Variants in LYPD6B observed in about 807,000 individuals in gnomAD.
LYPD6B encodes the protein ly6/PLAUR domain-containing protein 6B.
In LYPD6B, 17 loss-of-function variants were observed where a neutral mutation model predicts 22.8. That is an observed-to-expected ratio of 0.75 (90% CI 0.51 to 1.12). The LOEUF is 1.12. Among genes scored for constraint, LYPD6B ranks in the 50% most tolerant of loss-of-function variants. The pLI, the probability that LYPD6B is intolerant of heterozygous loss-of-function variation, is 0.00. For missense variants in LYPD6B, 221 were observed against 258.3 expected (o/e 0.86, Z 0.99); for synonymous variants, 106 against 91.6 (o/e 1.16, Z -0.90).
intron 1 of LYPD6B, among the ~76,000 whole-genome samples, chr2:149,052,740 G>A (rs1343022542): frequency 6.6e-6 from 1 of 152,172 alleles, no homozygotes; most frequent in African/African-American, 2.4e-5. Context: ...ATGCCTGTGA[G>A]TGCTTTTTGA....
intron 1 of LYPD6B, among the ~76,000 whole-genome samples, chr2:149,089,187 C>T (rs1482776): frequency 0.22 from 33,002 of 152,124 alleles, 4,474 homozygotes; most frequent in East Asian, 0.51. Flanking sequence ...TGTGGTGGAA[C>T]ATGAAAGAGT....
chr2:149,124,388 A>G (rs1197273625), intron 1 of LYPD6B, among the ~76,000 whole-genome samples: 1 of 152,226 alleles, frequency 6.6e-6, no homozygotes, highest in African/African-American at 2.4e-5. Flanking sequence ...GTGCATGTGG[A>G]AAACCCACGT....
intron 3 of LYPD6B, among the ~76,000 whole-genome samples, chr2:149,195,874 T>C (rs1361669933): frequency 6.6e-6 from 1 of 152,140 alleles, no homozygotes; most frequent in African/African-American, 2.4e-5. Context: ...ATTTTACTGA[T>C]AGGGAAACAG....
At chr2:149,141,257 A>C (rs1688675690) in intron 2 of LYPD6B, among the ~76,000 whole-genome samples, 1 of 152,198 alleles carries the variant, frequency 6.6e-6, no homozygotes, top group Non-Finnish European at 1.5e-5. Context: ...AGAGCATTCC[A>C]GGAAATGGGA....
intron 1 of LYPD6B, among the ~76,000 whole-genome samples, chr2:149,100,292 G>A (rs1262594000): frequency 6.6e-6 from 1 of 151,822 alleles, no homozygotes; most frequent in Non-Finnish European, 1.5e-5. Context: ...AACTGATGCC[G>A]GTTTGACACT....
intron 2 of LYPD6B, among the ~76,000 whole-genome samples, chr2:149,158,392 T>C (rs1286760839): frequency 6.6e-6 from 1 of 152,192 alleles, no homozygotes; most frequent in Non-Finnish European, 1.5e-5. Context: ...TTGAAAACAA[T>C]GTGTTAAGTA....
At chr2:149,186,564 A>G (rs1448070225) in intron 3 of LYPD6B, among the ~76,000 whole-genome samples, 1 of 152,182 alleles carries the variant, frequency 6.6e-6, no homozygotes, top group Non-Finnish European at 1.5e-5. Flanking sequence ...TCTAGCTAAG[A>G]TCATTGATGA....
rs531436630 is a variant in LYPD6B, at chr2:149,202,338, C to G, written c.78-2915C>G. ...CACCGACTCCCTGACTGTCCAGTCC[C>G]CTCCTTCGTGTTCCAGCCACACTGG... On this transcript the variant is annotated intron_variant, in intron 3 of 6. Transcript: ENST00000409642. Among the ~76,000 whole-genome samples, 3 of 152,254 alleles carry G rather than the reference C, an allele frequency of 2.0e-5. No homozygotes were observed. In the South Asian group the frequency reaches 6.2e-4, roughly 32 times the overall value.
chr2:149,039,416 C>T (rs1682967982), intron 1 of LYPD6B, among the ~76,000 whole-genome samples: 1 of 152,182 alleles, frequency 6.6e-6, no homozygotes, highest in Admixed American at 6.5e-5. Flanking sequence ...GGCTTCAGGT[C>T]TGTATGCCCT....
intron 1 of LYPD6B, among the ~76,000 whole-genome samples, chr2:149,067,270 G>C (rs1684379518): frequency 6.6e-6 from 1 of 151,962 alleles, no homozygotes; most frequent in Admixed American, 6.6e-5. Context: ...TGGGAAAGGT[G>C]GCATGATCAG....
At chr2:149,198,627 G>T (rs752927491) in intron 3 of LYPD6B, among the ~76,000 whole-genome samples, 2 of 152,214 alleles carry the variant, frequency 1.3e-5, no homozygotes, top group Non-Finnish European at 2.9e-5. Context: ...TTTAACATCA[G>T]TGCTGCTTTA....
intron 1 of LYPD6B, among the ~76,000 whole-genome samples, chr2:149,106,876 T>C (rs1013162277): frequency 6.6e-6 from 1 of 152,062 alleles, no homozygotes; most frequent in East Asian, 1.9e-4. Flanking sequence ...GAAGCTGAGG[T>C]AATTGATTTG....
chr2:149,059,389 C>T (rs576320079), intron 1 of LYPD6B, among the ~76,000 whole-genome samples: 2 of 152,318 alleles, frequency 1.3e-5, no homozygotes, highest in Admixed American at 6.5e-5. Context: ...TGGTTCCAAG[C>T]CAATATAGTG....
At chr2:149,169,385 A>T (rs1437593263) in intron 3 of LYPD6B, among the ~76,000 whole-genome samples, 1 of 152,162 alleles carries the variant, frequency 6.6e-6, no homozygotes, top group Non-Finnish European at 1.5e-5. Context: ...AGGAAGTGTT[A>T]CTCTGGTAGT....
intron 3 of LYPD6B, chr2:149,205,027 C>T: frequency 2.2e-6 from 1 of 446,552 alleles, no homozygotes; most frequent in African/African-American, 2.0e-5. Flanking sequence ...ATCGAGTGTT[C>T]TGCTAAAGCC....
chr2:149,178,818 A>G (rs1691505629), intron 3 of LYPD6B, among the ~76,000 whole-genome samples: 2 of 152,182 alleles, frequency 1.3e-5, no homozygotes, highest in South Asian at 4.1e-4. Flanking sequence ...AATCTGTCAA[A>G]GGCCAGGCCA....
chr2:149,068,115 A>G (rs1277351199), intron 1 of LYPD6B, among the ~76,000 whole-genome samples: 1 of 152,158 alleles, frequency 6.6e-6, no homozygotes, highest in Admixed American at 6.5e-5. Context: ...GCAGTTTGAG[A>G]AGAAATCAGC....
chr2:149,070,867 A>G (rs897059245), intron 1 of LYPD6B, among the ~76,000 whole-genome samples: 3 of 152,232 alleles, frequency 2.0e-5, no homozygotes, highest in Non-Finnish European at 2.9e-5. Flanking sequence ...ATTTCCAAGA[A>G]GTCAACAGGT....
intron 3 of LYPD6B, among the ~76,000 whole-genome samples, chr2:149,189,371 C>CATATGTATATATATATATATAT (rs1559066402): frequency 9.4e-5 from 7 of 74,216 alleles, no homozygotes; most frequent in African/African-American, 3.9e-4. Context: ...TATATATACA[C>CATATGTATATATATATATATAT]ACACATATGT....
Sources: allele counts gnomAD v4.1 joint callset (sites outside exome capture counted in the v4.1 genomes callset), GRCh38; gene constraint gnomAD v4.1.1; transcripts MANE v1.5; gene names NCBI Gene and HGNC (gene_info 2026-07-23, HGNC 2026-07-21).